The following MEMO1 variants were observed in gnomAD, a reference collection of about 807,000 sequenced individuals.
The protein encoded by MEMO1 is protein MEMO1.
In MEMO1, 6 loss-of-function variants were observed where a neutral mutation model predicts 45.2. The observed-to-expected ratio is 0.13, with a 90% CI of 0.07 to 0.26. The LOEUF is 0.26. Among genes scored for constraint, MEMO1 ranks in the 10% least tolerant of loss-of-function variants. The pLI is 1.00. For missense variants in MEMO1, 184 were observed against 370.5 expected (o/e 0.50, Z 4.13); for synonymous variants, 78 against 124.3 (o/e 0.63, Z 2.48).
chr2:31,952,708 C>T (rs1040165866), intron 2 of MEMO1, among the ~76,000 whole-genome samples: 1 of 152,012 alleles, frequency 6.6e-6, no homozygotes, highest in East Asian at 1.9e-4. Context: ...TTTATTTTTG[C>T]TTGCTATTTT....
chr2:31,964,840 C>T (rs966213278), intron 2 of MEMO1, among the ~76,000 whole-genome samples: 10 of 152,012 alleles, frequency 6.6e-5, no homozygotes, highest in Non-Finnish European at 1.5e-4. Flanking sequence ...AAAATAGTTT[C>T]TTTTTTTATT....
intron 2 of MEMO1, among the ~76,000 whole-genome samples, chr2:31,984,843 T>G (rs894273011): frequency 2.0e-5 from 3 of 152,106 alleles, no homozygotes; most frequent in Non-Finnish European, 4.4e-5. Flanking sequence ...GAAAGGACAT[T>G]AGTGTAAAAA....
intron 3 of MEMO1, 29 bp downstream of exon 3, chr2:31,943,273 A>C (rs774865444): frequency 9.6e-6 from 15 of 1,567,136 alleles, no homozygotes; most frequent in Non-Finnish European, 1.3e-5. Flanking sequence ...TCAAAAAACA[A>C]AACAAAAACA....
At chr2:31,981,320 C>G (rs564324801) in intron 2 of MEMO1, among the ~76,000 whole-genome samples, 2 of 152,298 alleles carry the variant, frequency 1.3e-5, no homozygotes, top group East Asian at 3.9e-4. Flanking sequence ...TTCCTGACAC[C>G]TTGTTATGCA....
chr2:31,979,631 A>G (rs1670407616), intron 2 of MEMO1, among the ~76,000 whole-genome samples: 1 of 152,172 alleles, frequency 6.6e-6, no homozygotes, highest in Admixed American at 6.5e-5. Context: ...AATAAGGCAA[A>G]TGTTATGTAA....
chr2:32,003,942 T>G (rs888356358), intron 2 of MEMO1, among the ~76,000 whole-genome samples: 8 of 152,034 alleles, frequency 5.3e-5, no homozygotes, highest in African/African-American at 1.9e-4. Flanking sequence ...AGTTAGCTAC[T>G]CAGGAAGCTG....
chr2:31,986,471 C>CA (rs921075412), intron 2 of MEMO1, among the ~76,000 whole-genome samples: 9 of 150,112 alleles, frequency 6.0e-5, no homozygotes, highest in Non-Finnish European at 8.9e-5. Flanking sequence ...GACACTGTCT[C>CA]AAAAAAAAAT....
chr2:31,956,909 C>T lies in MEMO1; in HGVS notation c.62-13526G>A, dbSNP rs188537305. ...CTCTAATCCCAGCACTTTGGGAGGC[C>T]GAGGCAGGCAGATCACAAGGTCAGG... On this transcript the variant is annotated intron_variant, in intron 2 of 9. Coordinates refer to ENST00000404530, the MANE Select transcript of MEMO1 (RefSeq NM_001301833.4). 3.3e-3 allele frequency among the ~76,000 whole-genome samples: 499 copies of T among 152,064 alleles called. 2 individuals are homozygous for T. The highest frequency in any genetic ancestry group is 0.01 in the Middle Eastern group (3 of 294).
chr2:31,872,518 A>C (rs1673932685), intron 8 of MEMO1, among the ~76,000 whole-genome samples: 1 of 152,214 alleles, frequency 6.6e-6, no homozygotes, highest in Non-Finnish European at 1.5e-5. Context: ...TATGAATTTA[A>C]ACAGAAGAAA....
chr2:31,879,177 A>G (rs1178288710), intron 8 of MEMO1, among the ~76,000 whole-genome samples: 1 of 152,166 alleles, frequency 6.6e-6, no homozygotes, highest in Non-Finnish European at 1.5e-5. Flanking sequence ...TCTTCATTCC[A>G]ATTTAGATTC....
At chr2:31,926,932 T>C (rs1683202517) in intron 4 of MEMO1, among the ~76,000 whole-genome samples, 1 of 152,148 alleles carries the variant, frequency 6.6e-6, no homozygotes, top group Non-Finnish European at 1.5e-5. Context: ...ATTGAAAATA[T>C]CTGCATAATC....
chr2:31,886,526 T>C (rs1222788841), intron 7 of MEMO1, among the ~76,000 whole-genome samples: 1 of 152,082 alleles, frequency 6.6e-6, no homozygotes, highest in Non-Finnish European at 1.5e-5. Context: ...TATTTAATAA[T>C]AAAGAAAATT....
intron 6 of MEMO1, among the ~76,000 whole-genome samples, chr2:31,901,726 G>T (rs1297457283): frequency 1.3e-5 from 2 of 151,798 alleles, no homozygotes; most frequent in Admixed American, 1.3e-4. Flanking sequence ...GGCCAACATG[G>T]TGAAACCCCG....
At chr2:31,939,958 G>A (rs1297839138) in intron 3 of MEMO1, among the ~76,000 whole-genome samples, 1 of 151,978 alleles carries the variant, frequency 6.6e-6, no homozygotes, top group Non-Finnish European at 1.5e-5. Flanking sequence ...TTCTTCTCAA[G>A]GTCACCAGTG....
chr2:31,936,971 A>T (rs1481302583), intron 3 of MEMO1, among the ~76,000 whole-genome samples: 1 of 152,204 alleles, frequency 6.6e-6, no homozygotes, highest in Non-Finnish European at 1.5e-5. Context: ...AAGTCACAAG[A>T]TCTACTTAAG....
chr2:31,938,326 T>C (rs1458027460), intron 3 of MEMO1, among the ~76,000 whole-genome samples: 2 of 151,800 alleles, frequency 1.3e-5, no homozygotes, highest in East Asian at 1.9e-4. Context: ...TTCCATGATA[T>C]GATTTATGCC....
At chr2:31,908,973 T>C (rs1050838754) in intron 6 of MEMO1, among the ~76,000 whole-genome samples, 1 of 152,194 alleles carries the variant, frequency 6.6e-6, no homozygotes, top group Non-Finnish European at 1.5e-5. Context: ...AATTATAGAA[T>C]GTGTCTCCTC....
At chr2:31,954,235 C>T (rs1364734662) in intron 2 of MEMO1, among the ~76,000 whole-genome samples, 1 of 152,196 alleles carries the variant, frequency 6.6e-6, no homozygotes, top group Admixed American at 6.5e-5. Flanking sequence ...TGTTTACACG[C>T]TCCTGCCTTT....
chr2:31,869,268 A>T (rs566730434), intron 9 of MEMO1, among the ~76,000 whole-genome samples: 4 of 152,228 alleles, frequency 2.6e-5, no homozygotes, highest in African/African-American at 7.2e-5. Context: ...CTTCTTTCTT[A>T]ATTAATGTCA....
Sources: allele counts gnomAD v4.1 joint callset (sites outside exome capture counted in the v4.1 genomes callset), GRCh38; gene constraint gnomAD v4.1.1; transcripts MANE v1.5; gene names NCBI Gene and HGNC (gene_info 2026-07-23, HGNC 2026-07-21).